PTPRN2: variants seen among roughly 807,000 people sequenced by gnomAD.
The protein encoded by PTPRN2 is protein tyrosine phosphatase receptor type N2.
Under a neutral mutation model 118.8 loss-of-function variants are expected in PTPRN2, and 74 were observed. The ratio of observed to expected loss-of-function variants is 0.62; its 90% confidence interval spans 0.52 to 0.76. The LOEUF is 0.76. Ranked by LOEUF, PTPRN2 falls within the 30% of genes least tolerant of loss-of-function variation. The pLI is 0.00. For missense variants in PTPRN2, 1,481 were observed against 1,394.4 expected, an observed-to-expected ratio of 1.06 and a Z score of -0.99; for synonymous variants, 641 against 608.0, an observed-to-expected ratio of 1.05 and a Z score of -0.80.
At position 158,549,051 on chromosome 7, in the gene PTPRN2, G is replaced by A. The variant is rs907926456; in HGVS notation, c.112+38507C>T. 2.0e-5 allele frequency among the ~76,000 whole-genome samples: 3 copies of A among 152,222 alleles called. No homozygotes were observed. The East Asian group carries it at 5.8e-4, about 29-fold the overall frequency. ...ATGCAGACAGCAGTGCCACCCCAGG[G>A]GGGCCGAGGGAGCAGGACTGAGAAG... On this transcript the variant is annotated intron_variant, in intron 1 of 22. Coordinates refer to ENST00000389418, the MANE Select transcript of PTPRN2 (RefSeq NM_002847.5).
chr7:157,562,073 A>T (rs903486607), intron 21 of PTPRN2, among the ~76,000 whole-genome samples: 3 of 152,202 alleles, frequency 2.0e-5, no homozygotes, highest in African/African-American at 7.2e-5. Context: ...GCCACAGAAA[A>T]GAACCTGCAA....
intron 1 of PTPRN2, among the ~76,000 whole-genome samples, chr7:158,532,069 T>G (rs1825283993): frequency 6.6e-6 from 1 of 152,210 alleles, no homozygotes; most frequent in Non-Finnish European, 1.5e-5. Flanking sequence ...CAGTGAAAAC[T>G]GAATAAACAA....
chr7:158,469,730 C>A (rs1382250132), intron 2 of PTPRN2, among the ~76,000 whole-genome samples: 7 of 132,208 alleles, frequency 5.3e-5, no homozygotes. Flanking sequence ...GAGAGAAAAC[C>A]TGGCCAAAAA....
At chr7:157,935,173 T>G (rs1799620990) in intron 11 of PTPRN2, among the ~76,000 whole-genome samples, 1 of 152,224 alleles carries the variant, frequency 6.6e-6, no homozygotes, top group African/African-American at 2.4e-5. Context: ...GAGCTTCTTC[T>G]TTTTCACCAG....
At chr7:158,097,910 T>C (rs1814772377) in intron 10 of PTPRN2, among the ~76,000 whole-genome samples, 1 of 152,210 alleles carries the variant, frequency 6.6e-6, no homozygotes, top group South Asian at 2.1e-4. Flanking sequence ...TGTCCGCCTC[T>C]TTTCCTTTCC....
chr7:158,319,557 GGTCTCCCTCACACACGCACA>G, intron 2 of PTPRN2, among the ~76,000 whole-genome samples: 1 of 35,164 alleles, frequency 2.8e-5, no homozygotes, highest in Non-Finnish European at 5.9e-5. Context: ...ACACACACAC[GGTCTCCCTCACACACGCACA>G]CAGCCTCCCT....
chr7:157,979,044 G>A (rs540721715), intron 11 of PTPRN2, among the ~76,000 whole-genome samples: 2 of 152,070 alleles, frequency 1.3e-5, no homozygotes, highest in Admixed American at 1.3e-4. Context: ...ACCAAGGGCC[G>A]CCCTCCCCCA....
At chr7:157,824,798 A>ACTC (rs1399702834) in intron 12 of PTPRN2, among the ~76,000 whole-genome samples, 2 of 152,084 alleles carry the variant, frequency 1.3e-5, no homozygotes, top group East Asian at 3.9e-4. Flanking sequence ...AGAAGGCAAC[A>ACTC]CTCCTCAGAG....
intron 12 of PTPRN2, among the ~76,000 whole-genome samples, chr7:157,771,551 C>G (rs533446155): frequency 6.6e-6 from 1 of 152,344 alleles, no homozygotes; most frequent in African/African-American, 2.4e-5. Context: ...CAGTGAGACA[C>G]AGCCCCTGCC....
chr7:157,800,804 C>T (rs1256339799), intron 12 of PTPRN2, among the ~76,000 whole-genome samples: 3 of 151,734 alleles, frequency 2.0e-5, no homozygotes, highest in Non-Finnish European at 2.9e-5. Context: ...TACAAAAAAC[C>T]AGCCGGGTGT....
chr7:158,016,135 G>C lies in PTPRN2; in HGVS notation c.1723+65163C>G, dbSNP rs188582570. ...AGCAAATCAACACGGATGCCTCTCAGAGAAAAAACGATGCTTCCGATTTCA... is the reference window on the plus strand; with the variant it reads ...AGCAAATCAACACGGATGCCTCTCACAGAAAAAACGATGCTTCCGATTTCA... On this transcript the variant is annotated intron_variant, in intron 11 of 22. Transcript: ENST00000389418. Among the ~76,000 whole-genome samples the C allele has an allele frequency of 3.9e-5, 6 of 152,304 alleles. No individual in the cohort carries two copies. The East Asian group carries it at 1.2e-3, about 29-fold the overall frequency.
In PTPRN2 at chr7:157,619,930, C is replaced by G. The variant is rs371386438; in HGVS notation, c.2344+1432G>C. ...AGGCAGGGACACAGTGACGGAGAGA[C>G]GGCCTCGGCCACAGGGGACACTGGT... is the stretch of plus-strand genomic sequence containing the variant. On this transcript the variant is annotated intron_variant, in intron 15 of 22. Transcript: ENST00000389418. The surrounding 1 kb of genome is among the most constrained non-coding windows in gnomAD (Gnocchi z 5.3). Among the ~76,000 whole-genome samples, 55 of 152,176 alleles carry G rather than the reference C, an allele frequency of 3.6e-4. No homozygotes were observed. Among genetic ancestry groups the G allele is most frequent in the African/African-American group, 1.3e-3 (54 of 41,446 alleles).
chr7:157,826,475 G>A (rs1807178017), intron 12 of PTPRN2, among the ~76,000 whole-genome samples: 1 of 29,952 alleles, frequency 3.3e-5, no homozygotes, highest in Admixed American at 4.0e-4. Flanking sequence ...AATCGCGAGC[G>A]CCATTTCCAC....
Position 157,952,571 on chromosome 7 carries a change from T to C in PTPRN2, c.1724-53834A>G, listed in dbSNP as rs930828349. The stretch of plus-strand genomic sequence containing the variant: ...TCCCTGAGCAGCCCCTCCCCTGTGG[T>C]GCAGAGCTGTGGGTCTAGGGGTGAG... On this transcript the variant is annotated intron_variant, in intron 11 of 22. Transcript: ENST00000389418. 2.2e-4 allele frequency among the ~76,000 whole-genome samples: 34 copies of C among 152,168 alleles called. 1 individual carries two copies. Among genetic ancestry groups the C allele is most frequent in the African/African-American group, 7.9e-4 (33 of 41,522 alleles).
At chr7:157,577,269 G>A (rs1225991239) in intron 18 of PTPRN2, among the ~76,000 whole-genome samples, 1 of 152,180 alleles carries the variant, frequency 6.6e-6, no homozygotes, top group Admixed American at 6.5e-5. Flanking sequence ...GAACCCCAGC[G>A]CAGGCACTTC....
chr7:158,251,969 C>A (rs1022539828), intron 3 of PTPRN2, among the ~76,000 whole-genome samples: 6 of 152,176 alleles, frequency 3.9e-5, no homozygotes, highest in African/African-American at 1.4e-4. Context: ...AAACGAGAGC[C>A]ACCACATACC....
chr7:158,271,284 A>ATGCTTTTGATGCACATATATG (rs1358920511), intron 3 of PTPRN2, among the ~76,000 whole-genome samples: 31 of 152,222 alleles, frequency 2.0e-4, no homozygotes, highest in Non-Finnish European at 4.4e-5. Context: ...CTTGGATTAA[A>ATGCTTTTGATGCACATATATG]TGCTTTTGAT....
intron 12 of PTPRN2, among the ~76,000 whole-genome samples, chr7:157,811,270 CAA>C (rs34148043): frequency 0.2 from 25,451 of 125,972 alleles, 2,943 homozygotes; most frequent in African/African-American, 0.33. Context: ...GACTCCATCT[CAA>C]AAAAAAAAAC....
intron 6 of PTPRN2, among the ~76,000 whole-genome samples, chr7:158,149,872 G>C (rs995157002): frequency 1.3e-5 from 2 of 151,036 alleles, no homozygotes; most frequent in Admixed American, 6.6e-5. Context: ...TGGAATTTTT[G>C]GGATCTAAGT....
Sources: allele counts gnomAD v4.1 joint callset (sites outside exome capture counted in the v4.1 genomes callset), GRCh38; gene constraint gnomAD v4.1.1; non-coding constraint Gnocchi (gnomAD v3.1); transcripts MANE v1.5; gene names NCBI Gene and HGNC (gene_info 2026-07-23, HGNC 2026-07-21).